ADD3: variants seen among roughly 807,000 people sequenced by gnomAD.
ADD3 encodes the protein gamma-adducin.
In ADD3, 25 loss-of-function variants were observed where a neutral mutation model predicts 80.2. The observed-to-expected ratio is 0.31, with a 90% CI of 0.23 to 0.44. ADD3 has a LOEUF of 0.44. Among genes scored for constraint, ADD3 ranks in the 20% least tolerant of loss-of-function variants. The probability of loss-of-function intolerance (pLI) is 1.00; values close to 1 mark genes in which losing one functional copy is unlikely to be tolerated. For synonymous variants in ADD3, 284 were observed against 289.6 expected, an observed-to-expected ratio of 0.98 and a Z score of 0.20; for missense variants, 829 against 847.5, an observed-to-expected ratio of 0.98 and a Z score of 0.27.
At chr10:110,118,019 TACACACAC>T (rs148105742) in intron 5 of ADD3, among the ~76,000 whole-genome samples, 13,588 of 125,440 alleles carry the variant, frequency 0.11, 680 homozygotes, top group African/African-American at 0.12. Flanking sequence ...CTGTCTTCAA[TACACACAC>T]ACACACACAC....
At chr10:110,027,593 C>G (rs1487557339) in intron 1 of ADD3, among the ~76,000 whole-genome samples, 1 of 152,184 alleles carries the variant, frequency 6.6e-6, no homozygotes, top group Non-Finnish European at 1.5e-5. Context: ...AGGCTAGCCA[C>G]AGTTCAAGTT....
chr10:110,122,382 C>T, intron 9 of ADD3, 90 bp downstream of exon 9: 1 of 1,165,080 alleles, frequency 8.6e-7, no homozygotes, highest in Admixed American at 2.3e-5. Context: ...GCTCCATACT[C>T]TTCCAGAAGC....
chr10:110,035,923 G>C (rs545562126), intron 1 of ADD3, among the ~76,000 whole-genome samples: 1 of 152,008 alleles, frequency 6.6e-6, no homozygotes, highest in African/African-American at 2.4e-5. Flanking sequence ...AGGCTGAAGC[G>C]GCAGATCACC....
intron 2 of ADD3, among the ~76,000 whole-genome samples, chr10:110,111,984 A>G (rs1850090501): frequency 6.6e-6 from 1 of 152,172 alleles, no homozygotes; most frequent in South Asian, 2.1e-4. Context: ...AACTCTTATT[A>G]ATTTGCTTTC....
chr10:110,033,792 T>A (rs1855325358), intron 1 of ADD3, among the ~76,000 whole-genome samples: 1 of 152,206 alleles, frequency 6.6e-6, no homozygotes, highest in Admixed American at 6.5e-5. Context: ...GCCTTTAATT[T>A]CTATTTTGAA....
chr10:110,057,578 G>T (rs1361458256), intron 1 of ADD3, among the ~76,000 whole-genome samples: 1 of 152,140 alleles, frequency 6.6e-6, no homozygotes, highest in African/African-American at 2.4e-5. Context: ...TTTAAATGGT[G>T]TCGGTGCAGT....
In ADD3 at chr10:110,028,758, T is replaced by G. The variant is rs540007130; in HGVS notation, c.-30+20459T>G. Among the ~76,000 whole-genome samples the G allele has an allele frequency of 3.3e-5, 5 of 152,324 alleles. No homozygotes were observed. The South Asian group carries it at 1.0e-3, about 32-fold the overall frequency. ...ATAGAAAGAAATGAGTTTTGCTAAT[T>G]TTATTTCCATGTACTTATACCATTA... On this transcript the variant is annotated intron_variant, in intron 1 of 14. Coordinates refer to ENST00000356080, the MANE Select transcript of ADD3 (RefSeq NM_016824.5).
chr10:110,007,960 G>C (rs1401535800), upstream of ADD3: 2 of 152,142 alleles, frequency 1.3e-5, no homozygotes, highest in Admixed American at 6.5e-5. Context: ...AGGGACGCTC[G>C]AGGGGCGCTC....
In ADD3 at chr10:110,119,293, G is replaced by A; in HGVS notation, c.800G>A (p.Gly267Glu). The change falls in exon 7 of 15, where the codon GGG becomes GAG. Residue 267 changes from glycine to glutamate, a missense_variant. Gly to Glu is a moderately conservative substitution (Grantham distance 98). Coordinates refer to ENST00000356080, the MANE Select transcript of ADD3 (RefSeq NM_016824.5). ...LGDVAYYDYQ[G>E]SLEEQEERIQ... The stretch of plus-strand genomic sequence containing the variant: ...GATGTTGCCTATTATGACTACCAAG[G>A]GTCACTTGAAGAACAGGAGGAGAGA... The A allele has an allele frequency of 6.2e-7, 1 of 1,614,032 alleles. No homozygotes were observed. Among genetic ancestry groups the A allele is most frequent in the Non-Finnish European group, 8.5e-7 (1 of 1,179,984 alleles).
rs532129351 is a variant in ADD3 at position 110,040,703 on chromosome 10, G to C, written c.-30+32404G>C. ...GGCAACAGTATTGAGAGTGGACTGA[G>C]AGAAGGTTGAAGGTAAAGAGATTAC... On this transcript the variant is annotated intron_variant, in intron 1 of 14. Coordinates refer to ENST00000356080, the MANE Select transcript of ADD3 (RefSeq NM_016824.5). 5.9e-5 allele frequency among the ~76,000 whole-genome samples: 9 copies of C among 152,300 alleles called. No individual in the cohort carries two copies. The South Asian group carries it at 1.9e-3, about 32-fold the overall frequency.
At chr10:110,013,982 C>T (rs1040210572) in intron 1 of ADD3, among the ~76,000 whole-genome samples, 1 of 152,222 alleles carries the variant, frequency 6.6e-6, no homozygotes, top group Non-Finnish European at 1.5e-5. Flanking sequence ...CTCAGCTCAT[C>T]CTGAGCAAGG....
intron 8 of ADD3, 155 bp from the exon 9 acceptor site, chr10:110,121,955 C>T (rs1218747835): frequency 1.8e-6 from 1 of 541,242 alleles, no homozygotes; most frequent in African/African-American, 1.9e-5. Context: ...CTTCAGCTGT[C>T]TGCTGGCACA....
chr10:110,040,182 ATT>A (rs113790056), intron 1 of ADD3, among the ~76,000 whole-genome samples: 2 of 147,396 alleles, frequency 1.4e-5, no homozygotes, highest in African/African-American at 5.0e-5. Context: ...AGTTATTATT[ATT>A]TTTTTTTTTC....
intron 1 of ADD3, 45 bp downstream of exon 1, chr10:110,008,344 C>G (rs1287044841): frequency 6.6e-6 from 1 of 152,352 alleles, no homozygotes; most frequent in Non-Finnish European, 1.5e-5. Context: ...GCCTCTCTTC[C>G]GGGCCGGGAC....
chr10:110,018,886 T>A (rs1853318354), intron 1 of ADD3, among the ~76,000 whole-genome samples: 1 of 152,154 alleles, frequency 6.6e-6, no homozygotes, highest in African/African-American at 2.4e-5. Context: ...TTAACAGTGC[T>A]CCCTCTTAAC....
chr10:110,049,939 AT>A (rs1484704905), intron 1 of ADD3, among the ~76,000 whole-genome samples: 1 of 151,562 alleles, frequency 6.6e-6, no homozygotes, highest in Non-Finnish European at 1.5e-5. Context: ...TGGGACTTAC[AT>A]GGGGTCTGTA....
Position 110,063,736 on chromosome 10 carries a change from ATTATATATATATATAT to A in ADD3, c.-29-36888_-29-36873del, listed in dbSNP as rs1405615003. 1.0e-3 allele frequency among the ~76,000 whole-genome samples: 48 copies of A among 45,814 alleles called. 2 individuals carry two copies. Among genetic ancestry groups the A allele is most frequent in the African/African-American group, 3.6e-3 (45 of 12,442 alleles). The allele number at this position is 45,814 out of a possible 152,430, so 30.1% of individuals were successfully genotyped here. A position where few individuals can be genotyped will look rare whatever the true frequency, so the allele number is the denominator to read the frequency against. On this transcript the variant is annotated intron_variant, in intron 1 of 14. Transcript: ENST00000356080. ...TTGATGAATATGAATATATATATTC[ATTATATATATATATAT>A]ATATATATATATATATATATATATA...
Position 110,096,896 on chromosome 10 carries a change from A to C in ADD3, c.-29-3729A>C, listed in dbSNP as rs533878272. ...TCAGGAGTCCAGCTCATCTAGAGGCATCTAACAGGTAACTCAGGTGGAAAG... is the reference window on the plus strand; with the variant it reads ...TCAGGAGTCCAGCTCATCTAGAGGCCTCTAACAGGTAACTCAGGTGGAAAG... On this transcript the variant is annotated intron_variant, in intron 1 of 14. Coordinates refer to ENST00000356080, the MANE Select transcript of ADD3 (RefSeq NM_016824.5). Among the ~76,000 whole-genome samples, 13 of 152,346 alleles carry C rather than the reference A, an allele frequency of 8.5e-5. No homozygotes were observed. In the South Asian group the frequency reaches 1.7e-3, roughly 19 times the overall value.
chr10:110,050,756 G>A (rs971415201), intron 1 of ADD3, among the ~76,000 whole-genome samples: 1 of 152,062 alleles, frequency 6.6e-6, no homozygotes, highest in East Asian at 1.9e-4. Context: ...CAAGTGATCT[G>A]CCCATCTCGG....
Sources: gnomAD v4.1 joint callset for allele counts (sites outside exome capture counted in the v4.1 genomes callset) on GRCh38, gnomAD v4.1.1 for gene constraint, MANE v1.5 for transcripts, NCBI Gene and HGNC (gene_info 2026-07-23, HGNC 2026-07-21) for gene names.